KCNQ3: variants seen among roughly 807,000 people sequenced by gnomAD.
KCNQ3 encodes the protein potassium voltage-gated channel subfamily Q member 3, also known as potassium voltage-gated channel subfamily KQT member 3.
KCNQ3 carries 30 observed loss-of-function variants against 92.5 expected under a neutral mutation model. That is an observed-to-expected ratio of 0.32 (90% CI 0.24 to 0.44). KCNQ3 has a LOEUF of 0.44. Among genes scored for constraint, KCNQ3 ranks in the 20% least tolerant of loss-of-function variants. The probability of loss-of-function intolerance (pLI) is 1.00; values close to 1 mark genes in which losing one functional copy is unlikely to be tolerated. For missense variants in KCNQ3, 913 were observed against 1,140.3 expected (o/e 0.80, Z 2.87); for synonymous variants, 450 against 468.8 (o/e 0.96, Z 0.52).
At chr8:132,397,029 A>G (rs539801999) in intron 1 of KCNQ3, among the ~76,000 whole-genome samples, 103 of 152,126 alleles carry the variant, frequency 6.8e-4, no homozygotes, top group African/African-American at 2.3e-3. Flanking sequence ...GAGCCTCTCT[A>G]GTTGGTGCCA....
Position 132,124,640 on chromosome 8 carries a change from C to T in KCNQ3, c.*4622G>A, listed in dbSNP as rs1824605588. ...GCTGGCTTGTTTAGGGGCCAGTTGGCTCAGTTTGGAATGGTTTAATATCAG... is the reference window on the plus strand; with the variant it reads ...GCTGGCTTGTTTAGGGGCCAGTTGGTTCAGTTTGGAATGGTTTAATATCAG... On this transcript the variant is annotated 3_prime_UTR_variant, in exon 15 of 15. Coordinates refer to ENST00000388996, the MANE Select transcript of KCNQ3 (RefSeq NM_004519.4). 6.6e-6 allele frequency: 1 copy of T among 152,214 alleles called. No homozygotes were observed. Among genetic ancestry groups the T allele is most frequent in the African/African-American group, 2.4e-5 (1 of 41,448 alleles). The allele number at this position is 152,214 out of a possible 1,614,324, so 9.4% of individuals were successfully genotyped here. A position where few individuals can be genotyped will look rare whatever the true frequency, so the allele number is the denominator to read the frequency against.
At chr8:132,143,536 C>T (rs915108912) in intron 9 of KCNQ3, among the ~76,000 whole-genome samples, 1 of 152,180 alleles carries the variant, frequency 6.6e-6, no homozygotes, top group Non-Finnish European at 1.5e-5. Flanking sequence ...GTGGAAGCAT[C>T]CTGACAAACC....
chr8:132,429,717 C>T (rs7838744), intron 1 of KCNQ3, among the ~76,000 whole-genome samples: 1,969 of 152,006 alleles, frequency 0.013, 33 homozygotes, highest in African/African-American at 0.046. Context: ...AAAAAATTAG[C>T]CAGGCGTGGT....
rs760809363 is a variant in KCNQ3 at position 132,337,263 on chromosome 8, C to A, written c.386+142884G>T. ...CTTTGGCAGTCCAAGGCAGGAGGAT[C>A]GCATTGCTTGAGCCCAGAAGTTTGA... On this transcript the variant is annotated intron_variant, in intron 1 of 14. Transcript: ENST00000388996. Among the ~76,000 whole-genome samples the A allele has an allele frequency of 2.6e-4, 39 of 152,238 alleles. 1 individual carries two copies. Among genetic ancestry groups the A allele is most frequent in the Non-Finnish European group, 4.9e-4 (33 of 68,030 alleles).
At chr8:132,182,856 A>T (rs1826831418) in intron 3 of KCNQ3, among the ~76,000 whole-genome samples, 1 of 151,758 alleles carries the variant, frequency 6.6e-6, no homozygotes, top group Non-Finnish European at 1.5e-5. Flanking sequence ...AATATGAAAA[A>T]ATCATTAAAA....
intron 1 of KCNQ3, among the ~76,000 whole-genome samples, chr8:132,331,402 G>A (rs780611486): frequency 1.8e-4 from 28 of 152,320 alleles, no homozygotes; most frequent in Non-Finnish European, 3.1e-4. Context: ...CACCTGCAGA[G>A]GACCCAGCTG....
chr8:132,377,659 C>A (rs1819646980), intron 1 of KCNQ3, among the ~76,000 whole-genome samples: 1 of 152,184 alleles, frequency 6.6e-6, no homozygotes, highest in Non-Finnish European at 1.5e-5. Flanking sequence ...GACTCTCATC[C>A]ATGTCCAAGG....
At chr8:132,424,886 C>T (rs773615677) in intron 1 of KCNQ3, among the ~76,000 whole-genome samples, 2 of 152,196 alleles carry the variant, frequency 1.3e-5, no homozygotes, top group Non-Finnish European at 2.9e-5. Context: ...ATTTAGAGCC[C>T]ACCAGGTACA....
chr8:132,395,188 G>A (rs559077744), intron 1 of KCNQ3, among the ~76,000 whole-genome samples: 4 of 152,116 alleles, frequency 2.6e-5, no homozygotes, highest in Admixed American at 6.5e-5. Context: ...GTGATGCTTC[G>A]ATATGTATAA....
chr8:132,470,385 C>T (rs562225675), intron 1 of KCNQ3, among the ~76,000 whole-genome samples: 1 of 152,232 alleles, frequency 6.6e-6, no homozygotes, highest in East Asian at 1.9e-4. Context: ...TTCTCTTTAC[C>T]TGGCTTCACC....
intron 9 of KCNQ3, among the ~76,000 whole-genome samples, chr8:132,149,902 C>G (rs1016450169): frequency 6.6e-6 from 1 of 152,198 alleles, no homozygotes; most frequent in African/African-American, 2.4e-5. Context: ...GAGTCCAGCT[C>G]TGTCCCACAA....
intron 13 of KCNQ3, 50 bp downstream of exon 13, chr8:132,134,240 T>C (rs200308707): frequency 5.5e-5 from 77 of 1,407,488 alleles, no homozygotes; most frequent in Non-Finnish European, 6.9e-5. Context: ...GTGGGGATGC[T>C]TTACAAACTT....
intron 1 of KCNQ3, among the ~76,000 whole-genome samples, chr8:132,416,630 A>T (rs1208946730): frequency 6.6e-6 from 1 of 152,196 alleles, no homozygotes; most frequent in Non-Finnish European, 1.5e-5. Context: ...TCAAACAAAC[A>T]AACAAAAAAA....
intron 11 of KCNQ3, among the ~76,000 whole-genome samples, chr8:132,138,716 A>G (rs1825186116): frequency 6.6e-6 from 1 of 152,316 alleles, no homozygotes; most frequent in African/African-American, 2.4e-5. Context: ...CCCTAATCAC[A>G]GGTCAGTGTC....
chr8:132,427,884 T>C (rs979333300), intron 1 of KCNQ3, among the ~76,000 whole-genome samples: 2 of 152,196 alleles, frequency 1.3e-5, no homozygotes, highest in African/African-American at 2.4e-5. Flanking sequence ...TGGCCTTTAA[T>C]CGCTTTAAAG....
intron 1 of KCNQ3, among the ~76,000 whole-genome samples, chr8:132,279,789 CAT>C (rs1181150001): frequency 6.6e-6 from 1 of 152,154 alleles, no homozygotes; most frequent in Non-Finnish European, 1.5e-5. Flanking sequence ...GACATCAACA[CAT>C]ACTTATGTGC....
intron 1 of KCNQ3, among the ~76,000 whole-genome samples, chr8:132,301,248 G>C (rs539380008): frequency 6.6e-6 from 1 of 151,894 alleles, no homozygotes; most frequent in African/African-American, 2.4e-5. Flanking sequence ...TTCACACCTC[G>C]CTCTGGCTCA....
chr8:132,149,583 C>G (rs1825570818), intron 9 of KCNQ3, among the ~76,000 whole-genome samples: 1 of 152,150 alleles, frequency 6.6e-6, no homozygotes, highest in Non-Finnish European at 1.5e-5. Flanking sequence ...CCTTTTGGTT[C>G]TATGGCATTT....
chr8:132,155,183 A>T (rs1038400480), intron 9 of KCNQ3, among the ~76,000 whole-genome samples: 1 of 152,124 alleles, frequency 6.6e-6, no homozygotes, highest in Non-Finnish European at 1.5e-5. Flanking sequence ...TGCTCCTCCC[A>T]TCAGATTGTG....
Sources: gnomAD v4.1 joint callset for allele counts (sites outside exome capture counted in the v4.1 genomes callset) on GRCh38, gnomAD v4.1.1 for gene constraint, MANE v1.5 for transcripts, NCBI Gene and HGNC (gene_info 2026-07-23, HGNC 2026-07-21) for gene names.